GOLGA3: variants seen among roughly 807,000 people sequenced by gnomAD.
The protein encoded by GOLGA3 is golgin subfamily A member 3.
GOLGA3 carries 75 observed loss-of-function variants against 169.4 expected under a neutral mutation model. The observed-to-expected ratio is 0.44, with a 90% confidence interval of 0.37 to 0.54. GOLGA3 has a LOEUF of 0.54. Ranked by LOEUF, GOLGA3 falls within the 20% of genes least tolerant of loss-of-function variation. The pLI is 0.00. For synonymous variants in GOLGA3, 824 were observed against 822.4 expected (o/e 1.00, Z -0.03); for missense variants, 1,899 against 1,930.0 (o/e 0.98, Z 0.30).
intron 2 of GOLGA3, 21 bp downstream of exon 2, chr12:132,821,975 C>G (rs75642266): frequency 2.0e-5 from 31 of 1,567,472 alleles, no homozygotes; most frequent in Admixed American, 5.5e-5. Context: ...GACCAGCACA[C>G]AGAGGAACCT....
chr12:132,813,721 C>CTT (rs10717082), intron 3 of GOLGA3, among the ~76,000 whole-genome samples: 4 of 78,860 alleles, frequency 5.1e-5, no homozygotes, highest in African/African-American at 1.9e-4. Flanking sequence ...CAGCAAGTGC[C>CTT]TTTTTTTTTT....
At chr12:132,783,993 G>A in intron 16 of GOLGA3, 171 bp downstream of exon 16, 2 of 1,496,706 alleles carry the variant, frequency 1.3e-6, no homozygotes, top group Non-Finnish European at 1.8e-6. Flanking sequence ...CTGGAATCAG[G>A]GCCTGCCCCA....
chr12:132,818,307 T>A (rs1316501691), intron 2 of GOLGA3, among the ~76,000 whole-genome samples: 1 of 152,282 alleles, frequency 6.6e-6, no homozygotes, highest in African/African-American at 2.4e-5. Context: ...CTGCCCAGGC[T>A]GGAGTTCAGT....
chr12:132,796,727 A>G (rs1948860525), intron 9 of GOLGA3, 27 bp from the exon 10 acceptor site: 1 of 1,609,944 alleles, frequency 6.2e-7, no homozygotes, highest in Non-Finnish European at 8.5e-7. Context: ...TGTTTTTAAA[A>G]AGGCAGGAAA....
rs552207472 is a variant in GOLGA3, at chr12:132,785,458, G to A, written c.3123+881C>T. Among the ~76,000 whole-genome samples the A allele has an allele frequency of 2.3e-4, 35 of 152,254 alleles. No individual in the cohort carries two copies. In the South Asian group the frequency reaches 3.1e-3, roughly 14 times the overall value. The stretch of plus-strand genomic sequence containing the variant: ...CTCAAGCATCTGTGTCCACAGGCAC[G>A]TGCTACCATGCCTGGGTTTTATTTT... On this transcript the variant is annotated intron_variant, in intron 15 of 23. Transcript: ENST00000450791.
chr12:132,786,572 G>C lies in GOLGA3; in HGVS notation c.2907-17C>G. 2 of 1,610,826 alleles carry C rather than the reference G, an allele frequency of 1.2e-6. No individual in the cohort carries two copies. The highest frequency in any genetic ancestry group is 1.7e-6 in the Non-Finnish European group (2 of 1,177,638). ...GTGATGGCCCTGGGGTGTCATGAGG[G>C]AGACACAGGAGGAAGCTGAATTATC... On this transcript the variant is annotated splice_polypyrimidine_tract_variant and intron_variant, in intron 14 of 23. Coordinates refer to ENST00000450791, the MANE Select transcript of GOLGA3 (RefSeq NM_001389683.1).
chr12:132,779,413 A>G (rs1266155106), intron 18 of GOLGA3, among the ~76,000 whole-genome samples: 1 of 152,214 alleles, frequency 6.6e-6, no homozygotes, highest in Non-Finnish European at 1.5e-5. Flanking sequence ...CTATTTATAA[A>G]GAAACTTTGT....
rs912033998 is a variant in GOLGA3 at position 132,789,242 on chromosome 12, T to C, written c.2596A>G (p.Ile866Val). 2.5e-6 allele frequency: 4 copies of C among 1,608,158 alleles called. No homozygotes were observed. Among genetic ancestry groups the C allele is most frequent in the Admixed American group, 1.7e-5 (1 of 60,010 alleles). ...RRDATSKDQL[I>V]SELKATRKRL... ...TTCCTGGTGGCTTTCAGCTCACTGA[T>C]GAGCTGGTCTTTGGAGGTGGCGTCG... The change falls in exon 13 of 24, where the codon ATC becomes GTC. Residue 866 changes from isoleucine to valine, a missense_variant. Coordinates refer to ENST00000450791, the MANE Select transcript of GOLGA3 (RefSeq NM_001389683.1).
Position 132,777,095 on chromosome 12 carries a change from CG to C in GOLGA3, c.3723-6del. On this transcript the variant is annotated splice_polypyrimidine_tract_variant and splice_region_variant and intron_variant, in intron 19 of 23. Transcript: ENST00000450791. This position sits in a 1 kb window ranked among gnomAD's most constrained non-coding sequence, Gnocchi z 4.7. ...GAATGTTTCCCCTCCCGAATCCTAGCGTAAAAAAACAAGAAAGAAGGGAATC... is the reference window on the plus strand; with the variant it reads ...GAATGTTTCCCCTCCCGAATCCTAGCTAAAAAAACAAGAAAGAAGGGAATC... The C allele has an allele frequency of 6.4e-7, 1 of 1,572,978 alleles. No individual in the cohort carries two copies. The highest frequency in any genetic ancestry group is 8.6e-7 in the Non-Finnish European group (1 of 1,162,722).
chr12:132,776,665 TTCCTGCCCTGCTGC>T lies in GOLGA3; in HGVS notation c.3933_3946del (p.Gln1312GlyfsTer15), dbSNP rs764892341. ...CAGCTGCTGTAGCCCTTCCAGTTCC[TTCCTGCCCTGCTGC>T]TCCGTCAAGTCCAGCTGCTGCTTCA... is the stretch of plus-strand genomic sequence containing the variant. On this transcript the variant is annotated frameshift_variant, in exon 21 of 24. Coordinates refer to ENST00000450791, the MANE Select transcript of GOLGA3 (RefSeq NM_001389683.1). LOFTEE classifies it high-confidence loss of function. 7 of 1,613,532 alleles carry T rather than the reference TTCCTGCCCTGCTGC, an allele frequency of 4.3e-6. No individual in the cohort carries two copies. The highest frequency in any genetic ancestry group is 5.1e-6 in the Non-Finnish European group (6 of 1,179,684).
At position 132,775,217 on chromosome 12, in the gene GOLGA3, A is replaced by G. The variant is rs1322433159; in HGVS notation, c.4067T>C (p.Leu1356Pro). ...GAGCAGGGTCTTCATGTTGTTCTTC[A>G]GCTCCGACACTTTTGCCTGGAGCAT... ...KFMLQAKVSE[L>P]KNNMKTLLQQ... The change falls in exon 22 of 24, where the codon CTG (leucine) becomes CCG (proline). Residue 1356 changes from leucine to proline, a missense_variant. Physicochemically the swap from Leu to Pro is moderately conservative, Grantham distance 98. Transcript: ENST00000450791. 1.2e-6 allele frequency: 2 copies of G among 1,614,152 alleles called. No homozygotes were observed. The highest frequency in any genetic ancestry group is 1.1e-5 in the South Asian group (1 of 91,088).
intron 1 of GOLGA3, chr12:132,825,937 G>C (rs773089364): frequency 3.2e-6 from 3 of 951,080 alleles, no homozygotes; most frequent in Admixed American, 1.7e-5. Flanking sequence ...TGGTGACCAA[G>C]ATGAAGACGC....
intron 2 of GOLGA3, among the ~76,000 whole-genome samples, 164 bp downstream of exon 2, chr12:132,821,832 C>T (rs568723096): frequency 3.3e-5 from 4 of 121,648 alleles, no homozygotes; most frequent in East Asian, 2.8e-4. Context: ...CCAGCCTGGG[C>T]GAAAGAGCGA....
intron 1 of GOLGA3, among the ~76,000 whole-genome samples, chr12:132,823,831 C>A (rs1386821203): frequency 6.6e-6 from 1 of 151,298 alleles, no homozygotes; most frequent in East Asian, 1.9e-4. Context: ...GCCTGTAATC[C>A]CATAACTTTG....
At position 132,789,066 on chromosome 12, in the gene GOLGA3, C is replaced by T. The variant is rs370634733; in HGVS notation, c.2772G>A (p.Ser924=). Residue 924 remains serine, a synonymous_variant, in exon 13 of 24, where the codon TCG becomes TCA. Transcript: ENST00000450791. ...HMADLEGHLQ[S]AQKERDEMET... ...CCATCTCGTCTCGCTCCTTCTGCGC[C>T]GACTGGAGATGCCCTTCAAGGTCCG... The T allele has an allele frequency of 2.2e-4, 347 of 1,602,594 alleles. No individual in the cohort carries two copies. The highest frequency in any genetic ancestry group is 1.0e-3 in the East Asian group (45 of 44,658).
Position 132,814,741 on chromosome 12 carries a change from C to T in GOLGA3, c.407-1322G>A, listed in dbSNP as rs144976208. Among the ~76,000 whole-genome samples, 21 of 152,364 alleles carry T rather than the reference C, an allele frequency of 1.4e-4. No individual in the cohort carries two copies. In the East Asian group the frequency reaches 3.9e-3, roughly 28 times the overall value. On this transcript the variant is annotated intron_variant, in intron 3 of 23. Coordinates refer to ENST00000450791, the MANE Select transcript of GOLGA3 (RefSeq NM_001389683.1). The stretch of plus-strand genomic sequence containing the variant: ...CGGGTTACCTCAGTTTCCAGACAGA[C>T]AAGACTCCAATCCGAGGTCATGCTC...
rs567221030 is a variant in GOLGA3 at position 132,798,220 on chromosome 12, G to A, written c.1938+120C>T. 97 of 869,418 alleles carry A rather than the reference G, an allele frequency of 1.1e-4. No individual in the cohort carries two copies. The South Asian group carries it at 1.4e-3, about 13-fold the overall frequency. 53.9% of individuals were successfully genotyped at this position (869,418 alleles called of 1,614,324 possible). ...AAGCCTTAACGAGCAGTCACTGCCC[G>A]CCATCCATGAGAATATTTAAGAGAT... On this transcript the variant is annotated intron_variant, in intron 9 of 23. Transcript: ENST00000450791.
chr12:132,788,925 CG>C, intron 13 of GOLGA3, 101 bp downstream of exon 13: 8 of 831,042 alleles, frequency 9.6e-6, no homozygotes, highest in South Asian at 3.8e-5. Flanking sequence ...AGACAGACCC[CG>C]CCCCAGACAC....
intron 2 of GOLGA3, among the ~76,000 whole-genome samples, chr12:132,819,445 C>T (rs998444295): frequency 6.6e-6 from 1 of 152,112 alleles, no homozygotes; most frequent in Non-Finnish European, 1.5e-5. Flanking sequence ...AGAAGAATGG[C>T]GTGAACCCTC....
Sources: allele counts gnomAD v4.1 joint callset (sites outside exome capture counted in the v4.1 genomes callset), GRCh38; gene constraint gnomAD v4.1.1; non-coding constraint Gnocchi (gnomAD v3.1); transcripts MANE v1.5; gene names NCBI Gene and HGNC (gene_info 2026-07-23, HGNC 2026-07-21).